ROBO2: variants seen among roughly 807,000 people sequenced by gnomAD.
ROBO2 encodes the protein roundabout homolog 2.
Under a neutral mutation model 160.8 loss-of-function variants are expected in ROBO2, and 53 were observed. The ratio of observed to expected loss-of-function variants is 0.33; its 90% CI spans 0.26 to 0.41. The LOEUF (loss-of-function observed/expected upper bound fraction) is 0.41, where lower values mean the gene tolerates loss of function less well. Ranked by LOEUF, ROBO2 falls within the 10% of genes least tolerant of loss-of-function variation. The pLI is 1.00. For synonymous variants in ROBO2, 664 were observed against 611.7 expected, an observed-to-expected ratio of 1.09 and a Z score of -1.26; for missense variants, 1,577 against 1,722.4, an observed-to-expected ratio of 0.92 and a Z score of 1.49.
At chr3:76,638,815 A>G (rs2090478095) in intron 2 of ROBO2, among the ~76,000 whole-genome samples, 1 of 152,130 alleles carries the variant, frequency 6.6e-6, no homozygotes, top group Non-Finnish European at 1.5e-5. Flanking sequence ...ATTATGATTG[A>G]TTCAGATCAT....
intron 2 of ROBO2, among the ~76,000 whole-genome samples, chr3:77,453,312 A>G (rs1205624504): frequency 6.6e-6 from 1 of 152,016 alleles, no homozygotes; most frequent in African/African-American, 2.4e-5. Flanking sequence ...GTTAAAGAGA[A>G]CATGGTATCT....
At chr3:76,002,307 C>G (rs879468884) in intron 2 of ROBO2, among the ~76,000 whole-genome samples, 1 of 152,062 alleles carries the variant, frequency 6.6e-6, no homozygotes, top group African/African-American at 2.4e-5. Context: ...ATCGATAAGC[C>G]AAGCGATATG....
chr3:76,063,343 C>CTTTT (rs35062174), intron 2 of ROBO2, among the ~76,000 whole-genome samples: 1 of 134,784 alleles, frequency 7.4e-6, no homozygotes, highest in Non-Finnish European at 1.6e-5. Flanking sequence ...GCCCTCCTCC[C>CTTTT]TTTTTTTTTT....
At chr3:76,348,199 C>T (rs1333702345) in intron 2 of ROBO2, among the ~76,000 whole-genome samples, 2 of 152,076 alleles carry the variant, frequency 1.3e-5, no homozygotes, top group African/African-American at 4.8e-5. Flanking sequence ...CATCATTCCA[C>T]AGTCTCCCAC....
intron 2 of ROBO2, among the ~76,000 whole-genome samples, chr3:76,309,112 C>T (rs534983635): frequency 1.3e-4 from 20 of 152,026 alleles, no homozygotes; most frequent in African/African-American, 3.6e-4. Context: ...ATGGAGCCAG[C>T]GGAAAGTAAA....
At chr3:76,803,942 C>T (rs1203430537) in intron 2 of ROBO2, among the ~76,000 whole-genome samples, 1 of 152,158 alleles carries the variant, frequency 6.6e-6, no homozygotes, top group African/African-American at 2.4e-5. Context: ...ATGATGTGTT[C>T]ACTTAAAATG....
At chr3:77,287,557 C>T (rs559471310) in intron 2 of ROBO2, among the ~76,000 whole-genome samples, 6 of 152,048 alleles carry the variant, frequency 3.9e-5, no homozygotes, top group African/African-American at 7.2e-5. Flanking sequence ...ATCTTTAGAC[C>T]GTTAAAACTC....
At chr3:76,802,878 G>A (rs1188123722) in intron 2 of ROBO2, among the ~76,000 whole-genome samples, 1 of 152,180 alleles carries the variant, frequency 6.6e-6, no homozygotes, top group African/African-American at 2.4e-5. Context: ...TGCCACATGA[G>A]TGAAGCCCAA....
intron 2 of ROBO2, among the ~76,000 whole-genome samples, chr3:76,339,432 A>G (rs1042371635): frequency 1.3e-5 from 2 of 152,122 alleles, no homozygotes; most frequent in South Asian, 2.1e-4. Context: ...TATATTGGAA[A>G]CCATATACTG....
chr3:77,307,308 A>G (rs1381671690), intron 2 of ROBO2, among the ~76,000 whole-genome samples: 1 of 152,166 alleles, frequency 6.6e-6, no homozygotes, highest in Non-Finnish European at 1.5e-5. Flanking sequence ...CTTTTTATTT[A>G]ATATTGGAAA....
At chr3:77,377,207 A>G (rs1470058290) in intron 2 of ROBO2, among the ~76,000 whole-genome samples, 1 of 152,212 alleles carries the variant, frequency 6.6e-6, no homozygotes, top group African/African-American at 2.4e-5. Flanking sequence ...TCAAAAGTAT[A>G]AAGGAATAAA....
intron 2 of ROBO2, among the ~76,000 whole-genome samples, chr3:77,130,657 A>G (rs997627404): frequency 1.3e-5 from 2 of 152,200 alleles, no homozygotes; most frequent in African/African-American, 2.4e-5. Flanking sequence ...TTTCAAGTAC[A>G]TACATTATTA....
Position 76,344,149 on chromosome 3 carries a change from G to T in ROBO2, c.109+406547G>T, listed in dbSNP as rs575269425. 1.1e-4 allele frequency among the ~76,000 whole-genome samples: 16 copies of T among 152,102 alleles called. No individual in the cohort carries two copies. In the South Asian group the frequency reaches 1.9e-3, roughly 18 times the overall value. On this transcript the variant is annotated intron_variant, in intron 2 of 26. Coordinates refer to the ROBO2 transcript ENST00000487694. ...TTAATCTTTTATAATAATCATGTTG[G>T]AAGATAATTTATTTGTTTGAGTTAA... is the stretch of plus-strand genomic sequence containing the variant.
chr3:76,687,376 T>C (rs1448886652), intron 2 of ROBO2, among the ~76,000 whole-genome samples: 2 of 152,076 alleles, frequency 1.3e-5, no homozygotes, highest in Non-Finnish European at 2.9e-5. Context: ...TAAAGGAATA[T>C]CTTGTACATT....
intron 2 of ROBO2, among the ~76,000 whole-genome samples, chr3:76,567,617 A>G (rs2084610708): frequency 9.6e-6 from 1 of 103,782 alleles, no homozygotes; most frequent in Non-Finnish European, 1.9e-5. Flanking sequence ...ATACCAAACT[A>G]CTGATATATA....
In ROBO2 at chr3:76,922,950, T is replaced by G. The variant is rs139447801; in HGVS notation, c.110-175064T>G. ...GTGCAAAAGTAACATGTTTTCAATC[T>G]TCTCATGATCAGGAATTCATCTTTT... On this transcript the variant is annotated intron_variant, in intron 2 of 26. Transcript: ENST00000487694. Among the ~76,000 whole-genome samples the G allele has an allele frequency of 3.4e-3, 518 of 152,354 alleles. 4 individuals are homozygous for G. Among genetic ancestry groups the G allele is most frequent in the African/African-American group, 0.012 (497 of 41,594 alleles).
chr3:76,730,252 C>T lies in ROBO2; in HGVS notation c.110-367762C>T, dbSNP rs1319043727. 4.4e-5 allele frequency among the ~76,000 whole-genome samples: 5 copies of T among 112,652 alleles called. No individual in the cohort carries two copies. In the Admixed American group the frequency reaches 4.6e-4, roughly 10 times the overall value. The allele number at this position is 112,652 out of a possible 152,430, so 73.9% of individuals were successfully genotyped here. ...CCTCTCCTCACCTCCTACTCCCTAC[C>T]CGCTTCTCCTCACCTCCTACTCCCT... On this transcript the variant is annotated intron_variant, in intron 2 of 26. Transcript: ENST00000487694.
At chr3:76,959,910 G>C (rs566170916) in intron 2 of ROBO2, among the ~76,000 whole-genome samples, 1 of 152,008 alleles carries the variant, frequency 6.6e-6, no homozygotes, top group African/African-American at 2.4e-5. Flanking sequence ...AAATATTCTG[G>C]TGCCTAAATT....
chr3:76,463,021 G>A (rs994072527), intron 2 of ROBO2, among the ~76,000 whole-genome samples: 2 of 151,984 alleles, frequency 1.3e-5, no homozygotes, highest in Admixed American at 6.6e-5. Context: ...GCCCATCACC[G>A]CATTACATGG....
Sources: gnomAD v4.1 joint callset for allele counts (sites outside exome capture counted in the v4.1 genomes callset) on GRCh38, gnomAD v4.1.1 for gene constraint, MANE v1.5 for transcripts, NCBI Gene and HGNC (gene_info 2026-07-23, HGNC 2026-07-21) for gene names.